Variants in SRD5A2 observed in about 807,000 individuals in gnomAD.
The protein encoded by SRD5A2 is steroid 5 alpha-reductase 2, also known as 3-oxo-5-alpha-steroid 4-dehydrogenase 2.
In SRD5A2, 30 loss-of-function variants were observed where a neutral mutation model predicts 27.4. That is an observed-to-expected ratio of 1.10 (90% confidence interval 0.82 to 1.49). The LOEUF is 1.49. Among genes scored for constraint, SRD5A2 ranks in the 40% most tolerant of loss-of-function variants. SRD5A2 has a pLI of 0.00. For synonymous variants in SRD5A2, 141 were observed against 133.6 expected, an observed-to-expected ratio of 1.06 and a Z score of -0.38; for missense variants, 348 against 323.4, an observed-to-expected ratio of 1.08 and a Z score of -0.58.
the SRD5A2 span, among the ~76,000 whole-genome samples, chr2:31,603,552 C>G: frequency 4.0e-5 from 6 of 151,860 alleles, no homozygotes; most frequent in African/African-American, 1.4e-4. Context: ...GATATATATC[C>G]AAAAGAATAT....
chr2:31,524,999 G>A lies in SRD5A2; in HGVS notation c.*1197C>T, dbSNP rs544887029. The A allele has an allele frequency of 7.0e-5, 15 of 213,060 alleles. No homozygotes were observed. Among genetic ancestry groups the A allele is most frequent in the African/African-American group, 1.8e-4 (8 of 44,126 alleles). The allele number at this position is 213,060 out of a possible 1,614,324, so 13.2% of individuals were successfully genotyped here. On this transcript the variant is annotated 3_prime_UTR_variant, in exon 5 of 5. Coordinates refer to ENST00000622030, the MANE Select transcript of SRD5A2 (RefSeq NM_000348.4). Reference sequence around the variant, plus strand: ...TTTTAAATGAAACTAGAATGCTAGAGTTTTATGAAGGAATCTCCTGATTTT... The same window carrying A: ...TTTTAAATGAAACTAGAATGCTAGAATTTTATGAAGGAATCTCCTGATTTT...
At chr2:31,628,239 T>C in the SRD5A2 span, among the ~76,000 whole-genome samples, 60 of 152,282 alleles carry the variant, frequency 3.9e-4, 2 homozygotes, top group East Asian at 9.8e-3. Context: ...TCTTGTCTTT[T>C]TTTTAATCTC....
At chr2:31,599,256 G>C in the SRD5A2 span, among the ~76,000 whole-genome samples, 2 of 151,940 alleles carry the variant, frequency 1.3e-5, no homozygotes, top group Non-Finnish European at 2.9e-5. Flanking sequence ...ATATCTTCCA[G>C]ACAGAAAATC....
At chr2:31,611,735 T>G in the SRD5A2 span, among the ~76,000 whole-genome samples, 2 of 152,286 alleles carry the variant, frequency 1.3e-5, no homozygotes, top group South Asian at 4.1e-4. Flanking sequence ...TACAACCACT[T>G]TGGAGAACTG....
chr2:31,572,936 G>C (rs916373816), intron 1 of SRD5A2, among the ~76,000 whole-genome samples: 4 of 152,126 alleles, frequency 2.6e-5, no homozygotes, highest in African/African-American at 9.7e-5. Context: ...TTTAAGACTT[G>C]GGTAGTAGGA....
At chr2:31,618,326 C>T in the SRD5A2 span, among the ~76,000 whole-genome samples, 6 of 152,098 alleles carry the variant, frequency 3.9e-5, no homozygotes, top group African/African-American at 1.4e-4. Context: ...ACAGCCAAAC[C>T]ATATCAGTAT....
At chr2:31,640,035 ATTCT>A in the SRD5A2 span, among the ~76,000 whole-genome samples, 3 of 151,638 alleles carry the variant, frequency 2.0e-5, no homozygotes, top group Admixed American at 6.6e-5. Flanking sequence ...GCTCCTTTTC[ATTCT>A]TTCTTCTTTT....
intron 1 of SRD5A2, among the ~76,000 whole-genome samples, chr2:31,554,924 CGTGTGTGTGTGTGTGTGT>C (rs59697517): frequency 1.5e-5 from 2 of 132,134 alleles, no homozygotes; most frequent in Non-Finnish European, 3.2e-5. Flanking sequence ...CTATCCTGAT[CGTGTGTGTGTGTGTGTGT>C]GTGTGTGTGT....
At chr2:31,547,281 T>C (rs2148076102) in intron 1 of SRD5A2, among the ~76,000 whole-genome samples, 1 of 152,306 alleles carries the variant, frequency 6.6e-6, no homozygotes, top group East Asian at 1.9e-4. Flanking sequence ...ACCCAGCAGC[T>C]GATAAAGTAC....
the SRD5A2 span, among the ~76,000 whole-genome samples, chr2:31,616,457 A>G: frequency 6.6e-6 from 1 of 152,230 alleles, no homozygotes; most frequent in Non-Finnish European, 1.5e-5. Context: ...GAGCTACCCA[A>G]GGCCATAGGT....
chr2:31,628,826 G>A, the SRD5A2 span, among the ~76,000 whole-genome samples: 3 of 152,066 alleles, frequency 2.0e-5, no homozygotes, highest in Non-Finnish European at 4.4e-5. Flanking sequence ...GTGTTATGGG[G>A]TTCCCTTTGT....
chr2:31,605,554 T>C, the SRD5A2 span, among the ~76,000 whole-genome samples: 1 of 151,842 alleles, frequency 6.6e-6, no homozygotes, highest in Admixed American at 6.6e-5. Flanking sequence ...GTGCTCAACG[T>C]CATTAATCAT....
At chr2:31,646,209 C>A in the SRD5A2 span, among the ~76,000 whole-genome samples, 1 of 152,052 alleles carries the variant, frequency 6.6e-6, no homozygotes, top group Non-Finnish European at 1.5e-5. Flanking sequence ...AAGTCAGGTG[C>A]CTTCTTGCAT....
the SRD5A2 span, among the ~76,000 whole-genome samples, chr2:31,619,557 A>C: frequency 6.6e-6 from 1 of 152,136 alleles, no homozygotes; most frequent in Admixed American, 6.6e-5. Flanking sequence ...ACTCCCACCA[A>C]CAGTGTAAAA....
intron 1 of SRD5A2, among the ~76,000 whole-genome samples, chr2:31,542,411 C>T (rs1015860740): frequency 6.6e-6 from 1 of 152,064 alleles, no homozygotes; most frequent in Non-Finnish European, 1.5e-5. Context: ...ACTCAAGAGG[C>T]TAAGGCAGAA....
At chr2:31,604,939 C>T in the SRD5A2 span, among the ~76,000 whole-genome samples, 1 of 151,818 alleles carries the variant, frequency 6.6e-6, no homozygotes, top group South Asian at 2.1e-4. Flanking sequence ...CAGCATGGTA[C>T]TGCCATAAAA....
the SRD5A2 span, among the ~76,000 whole-genome samples, chr2:31,648,935 T>A: frequency 3.7e-3 from 567 of 152,302 alleles, 2 homozygotes; most frequent in African/African-American, 0.013. Context: ...CTAGAAAGAC[T>A]AGCAGAAAAC....
At chr2:31,646,732 TA>T in the SRD5A2 span, among the ~76,000 whole-genome samples, 11 of 150,958 alleles carry the variant, frequency 7.3e-5, no homozygotes, top group East Asian at 1.9e-4. Flanking sequence ...AAAAGAATAT[TA>T]AAAAAAAATG....
In SRD5A2 at chr2:31,526,020, G is replaced by A; in HGVS notation, c.*176C>T. 1 of 516,522 alleles carries A rather than the reference G, an allele frequency of 1.9e-6. No homozygotes were observed. The highest frequency in any genetic ancestry group is 3.4e-6 in the Non-Finnish European group (1 of 291,148). The allele number at this position is 516,522 out of a possible 1,614,324, so 32.0% of individuals were successfully genotyped here. On this transcript the variant is annotated 3_prime_UTR_variant, in exon 5 of 5. Transcript: ENST00000622030. ...GGATCAGGATAGGGGTCCCTGGAAG[G>A]GTAGGAGTAAACTCTAAGCAGACAC...
Sources: gnomAD v4.1 joint callset for allele counts (sites outside exome capture counted in the v4.1 genomes callset) on GRCh38, gnomAD v4.1.1 for gene constraint, MANE v1.5 for transcripts, NCBI Gene and HGNC (gene_info 2026-07-23, HGNC 2026-07-21) for gene names.